The following ZBTB41 variants were observed in gnomAD, a reference collection of about 807,000 sequenced individuals.
The protein encoded by ZBTB41 is zinc finger and BTB domain containing 41, also known as zinc finger and BTB domain-containing protein 41.
In ZBTB41, 42 loss-of-function variants were observed where a neutral mutation model predicts 87.6. The ratio of observed to expected loss-of-function variants is 0.48; its 90% CI spans 0.37 to 0.62. The LOEUF (loss-of-function observed/expected upper bound fraction) is 0.62, where lower values mean the gene tolerates loss of function less well. Among genes scored for constraint, ZBTB41 ranks in the 20% least tolerant of loss-of-function variants. ZBTB41 has a pLI of 0.00. For missense variants in ZBTB41, 799 were observed against 1,078.9 expected (o/e 0.74, Z 3.63); for synonymous variants, 364 against 364.0 (o/e 1.00, Z 0.00).
chr1:197,199,646 C>T lies in ZBTB41; in HGVS notation c.828G>A (p.Gly276=), dbSNP rs1318356570. 6 of 1,613,014 alleles carry T rather than the reference C, an allele frequency of 3.7e-6. No homozygotes were observed. In the East Asian group the frequency reaches 1.1e-4, roughly 30 times the overall value. ...AATTTTCTTGATTCAAATTGTCTGA[C>T]CCATCACCACTTTCCTGTTCATCAT... is the stretch of plus-strand genomic sequence containing the variant. ...TSDDEQESGD[G]SDNLNQENFD... Residue 276 remains glycine (G), a synonymous_variant, in exon 2 of 11, where the codon GGG becomes GGA. Coordinates refer to ENST00000367405, the MANE Select transcript of ZBTB41 (RefSeq NM_194314.3).
At chr1:197,190,292 T>C (rs1485696072) in intron 4 of ZBTB41, among the ~76,000 whole-genome samples, 2 of 152,080 alleles carry the variant, frequency 1.3e-5, no homozygotes, top group African/African-American at 4.8e-5. Flanking sequence ...GCTGAGTGAC[T>C]TCAGCTGACA....
intron 5 of ZBTB41, among the ~76,000 whole-genome samples, chr1:197,181,723 C>A (rs1659752945): frequency 6.6e-6 from 1 of 152,032 alleles, no homozygotes; most frequent in Admixed American, 6.6e-5. Context: ...TATGGAAGGA[C>A]AAACTGAAGA....
intron 10 of ZBTB41, among the ~76,000 whole-genome samples, chr1:197,163,435 G>A (rs756937770): frequency 4.6e-5 from 7 of 151,874 alleles, no homozygotes; most frequent in Admixed American, 6.6e-5. Flanking sequence ...TTTTACCAGA[G>A]ATTGGAATCT....
intron 2 of ZBTB41, among the ~76,000 whole-genome samples, chr1:197,194,249 C>T (rs1158397469): frequency 6.6e-6 from 1 of 152,036 alleles, no homozygotes; most frequent in East Asian, 1.9e-4. Flanking sequence ...AACTCCTGAC[C>T]TCAGGTGATC....
At chr1:197,177,213 C>T (rs994299196) in intron 7 of ZBTB41, among the ~76,000 whole-genome samples, 1 of 152,072 alleles carries the variant, frequency 6.6e-6, no homozygotes, top group Non-Finnish European at 1.5e-5. Flanking sequence ...ATCATGGGGG[C>T]AGTTTCCCCA....
chr1:197,177,899 A>T (rs1240866430), intron 7 of ZBTB41, among the ~76,000 whole-genome samples: 1 of 152,264 alleles, frequency 6.6e-6, no homozygotes, highest in East Asian at 1.9e-4. Flanking sequence ...TAAAAATTAA[A>T]ATTGTACACA....
chr1:197,162,155 A>C (rs982387854), intron 10 of ZBTB41, among the ~76,000 whole-genome samples: 14 of 152,176 alleles, frequency 9.2e-5, no homozygotes, highest in African/African-American at 1.9e-4. Context: ...AAATCAATTT[A>C]GGTTTCTAAA....
At chr1:197,181,161 G>C (rs1659738697) in intron 5 of ZBTB41, 44 bp from the exon 6 acceptor site, 2 of 1,527,850 alleles carry the variant, frequency 1.3e-6, no homozygotes, top group African/African-American at 2.8e-5. Context: ...GTTTAAAGAG[G>C]AGATACTAAG....
intron 10 of ZBTB41, among the ~76,000 whole-genome samples, chr1:197,170,683 C>G (rs1326974765): frequency 1.3e-4 from 20 of 152,034 alleles, no homozygotes; most frequent in Admixed American, 1.3e-3. Flanking sequence ...GACTGTTGGT[C>G]ACTTTAGATT....
chr1:197,199,991 A>G lies in ZBTB41; in HGVS notation c.483T>C (p.Ala161=). ...YKYEIPLVLE[A]AKFLDIIDAV... ...CATCTATAATGTCCAAAAATTTTGC[A>G]GCCTCTAAAACAAGAGGTATTTCAT... Residue 161 remains alanine (A), a synonymous_variant, in exon 2 of 11, where the codon GCT becomes GCC. Coordinates refer to ENST00000367405, the MANE Select transcript of ZBTB41 (RefSeq NM_194314.3). 6.2e-7 allele frequency: 1 copy of G among 1,613,494 alleles called. No homozygotes were observed. Among genetic ancestry groups the G allele is most frequent in the Non-Finnish European group, 8.5e-7 (1 of 1,179,824 alleles).
At chr1:197,185,248 A>G (rs978129950) in intron 5 of ZBTB41, among the ~76,000 whole-genome samples, 1 of 152,218 alleles carries the variant, frequency 6.6e-6, no homozygotes, top group Non-Finnish European at 1.5e-5. Context: ...TATAAATTTC[A>G]TAAGCAATGA....
chr1:197,179,625 G>A (rs1055995224), intron 6 of ZBTB41, among the ~76,000 whole-genome samples: 1 of 151,980 alleles, frequency 6.6e-6, no homozygotes, highest in Admixed American at 6.6e-5. Context: ...CTCTATGCAT[G>A]TACTGTCCCT....
chr1:197,188,156 A>G (rs1013379893), intron 5 of ZBTB41, 136 bp downstream of exon 5: 1 of 917,730 alleles, frequency 1.1e-6, no homozygotes, highest in Non-Finnish European at 1.6e-6. Context: ...CTTCCTCTCA[A>G]TTTTGCTGTG....
intron 4 of ZBTB41, among the ~76,000 whole-genome samples, chr1:197,189,997 C>T (rs1659987478): frequency 6.6e-6 from 1 of 152,184 alleles, no homozygotes; most frequent in South Asian, 2.1e-4. Flanking sequence ...TGGCTCACTG[C>T]AACCTCTGCC....
intron 2 of ZBTB41, among the ~76,000 whole-genome samples, chr1:197,197,540 G>T (rs80258831): frequency 0.077 from 10,907 of 140,784 alleles, 1,440 homozygotes; most frequent in African/African-American, 0.27. Context: ...AGGGGAAGGG[G>T]ACAGGAGGGA....
At chr1:197,189,896 C>A (rs1323377357) in intron 4 of ZBTB41, among the ~76,000 whole-genome samples, 3 of 152,264 alleles carry the variant, frequency 2.0e-5, no homozygotes, top group African/African-American at 7.2e-5. Flanking sequence ...AGAACAAACA[C>A]CAAGTGACCT....
At chr1:197,162,132 A>G (rs756188861) in intron 10 of ZBTB41, among the ~76,000 whole-genome samples, 3 of 152,176 alleles carry the variant, frequency 2.0e-5, no homozygotes, top group Non-Finnish European at 4.4e-5. Flanking sequence ...AACAACTTTC[A>G]TTTTCAATAG....
At chr1:197,174,952 A>G in intron 9 of ZBTB41, 58 bp downstream of exon 9, 1 of 1,410,376 alleles carries the variant, frequency 7.1e-7, no homozygotes, top group Non-Finnish European at 9.8e-7. Context: ...AAAAAGTTAC[A>G]ACTTTCCTCA....
intron 7 of ZBTB41, among the ~76,000 whole-genome samples, chr1:197,177,795 T>G (rs1050730295): frequency 2.0e-5 from 3 of 152,092 alleles, no homozygotes; most frequent in Non-Finnish European, 2.9e-5. Flanking sequence ...ACCAACTGAC[T>G]AGACTACCTC....
Sources: allele counts gnomAD v4.1 joint callset (sites outside exome capture counted in the v4.1 genomes callset), GRCh38; gene constraint gnomAD v4.1.1; transcripts MANE v1.5; gene names NCBI Gene and HGNC (gene_info 2026-07-23, HGNC 2026-07-21).